Variants in ADAMTS2 observed in about 807,000 individuals in gnomAD.
ADAMTS2 encodes the protein A disintegrin and metalloproteinase with thrombospondin motifs 2.
ADAMTS2 carries 50 observed loss-of-function variants against 123.0 expected under a neutral mutation model. That is an observed-to-expected ratio of 0.41 (90% CI 0.32 to 0.51). The LOEUF is 0.51. Ranked by LOEUF, ADAMTS2 falls within the 20% of genes least tolerant of loss-of-function variation. The probability of loss-of-function intolerance (pLI) is 0.35; values close to 1 mark genes in which losing one functional copy is unlikely to be tolerated. For missense variants in ADAMTS2, 1,494 were observed against 1,705.2 expected (o/e 0.88, Z 2.18); for synonymous variants, 678 against 695.4 (o/e 0.98, Z 0.39).
chr5:179,179,239 G>T (rs1561791784), intron 5 of ADAMTS2, among the ~76,000 whole-genome samples: 1 of 148,178 alleles, frequency 6.7e-6, no homozygotes, highest in African/African-American at 2.5e-5. Flanking sequence ...GAGCGACCAT[G>T]CCTGGCCCCT....
intron 2 of ADAMTS2, among the ~76,000 whole-genome samples, chr5:179,306,601 C>G (rs774350050): frequency 6.6e-6 from 1 of 152,146 alleles, no homozygotes; most frequent in Non-Finnish European, 1.5e-5. Context: ...TCTGTACACA[C>G]CCAGCACCCA....
rs916582971 is a variant in ADAMTS2 at position 179,314,746 on chromosome 5, C to T, written c.534+29021G>A. ...GTAGCCTTCCTGCACCCAGGTGGGG[C>T]TCCTGTCCCCCGCCAGTGCCCCCAA... is the stretch of plus-strand genomic sequence containing the variant. On this transcript the variant is annotated intron_variant, in intron 2 of 21. Coordinates refer to ENST00000251582, the MANE Select transcript of ADAMTS2 (RefSeq NM_014244.5). This position sits in a 1 kb window ranked among gnomAD's most constrained non-coding sequence, Gnocchi z 4.5. Among the ~76,000 whole-genome samples, 14 of 152,162 alleles carry T rather than the reference C, an allele frequency of 9.2e-5. No individual in the cohort carries two copies. The highest frequency in any genetic ancestry group is 1.9e-4 in the Non-Finnish European group (13 of 68,022).
chr5:179,155,040 A>C lies in ADAMTS2; in HGVS notation c.1133-121T>G. 4.6e-6 allele frequency: 4 copies of C among 868,870 alleles called. No homozygotes were observed. The highest frequency in any genetic ancestry group is 7.6e-6 in the Non-Finnish European group (4 of 528,326). The allele number at this position is 868,870 out of a possible 1,614,324, so 53.8% of individuals were successfully genotyped here. A position where few individuals can be genotyped will look rare whatever the true frequency, so the allele number is the denominator to read the frequency against. Reference sequence around the variant, plus strand: ...CCCAATGCCCTCTCTACCACAGGCAACTGCCCCCGGCTGGCACAGCTCAGA... The same window carrying C: ...CCCAATGCCCTCTCTACCACAGGCACCTGCCCCCGGCTGGCACAGCTCAGA... On this transcript the variant is annotated intron_variant, in intron 6 of 21. Transcript: ENST00000251582. This position sits in a 1 kb window ranked among gnomAD's most constrained non-coding sequence, Gnocchi z 5.1.
intron 2 of ADAMTS2, among the ~76,000 whole-genome samples, chr5:179,273,595 T>C (rs1289309182): frequency 6.6e-6 from 1 of 152,150 alleles, no homozygotes; most frequent in African/African-American, 2.4e-5. Context: ...TGAGATTTCA[T>C]GTCTTGAACA....
intron 3 of ADAMTS2, among the ~76,000 whole-genome samples, chr5:179,229,463 G>C (rs567092469): frequency 7.9e-6 from 1 of 126,014 alleles, no homozygotes; most frequent in African/African-American, 3.1e-5. Flanking sequence ...ACGAGACCCT[G>C]CTGCCCACTC....
At chr5:179,297,888 C>G (rs458827) in intron 2 of ADAMTS2, among the ~76,000 whole-genome samples, 10 of 152,274 alleles carry the variant, frequency 6.6e-5, no homozygotes, top group Non-Finnish European at 7.4e-5. Context: ...CAAGAAGACT[C>G]TGCTTCCCCT....
At chr5:179,323,315 G>C (rs1322122825) in intron 2 of ADAMTS2, among the ~76,000 whole-genome samples, 1 of 152,250 alleles carries the variant, frequency 6.6e-6, no homozygotes, top group Non-Finnish European at 1.5e-5. Flanking sequence ...CAGTCCAGGA[G>C]GGCCTGGGCC....
chr5:179,141,029 G>A (rs1763158571), intron 10 of ADAMTS2, among the ~76,000 whole-genome samples: 1 of 151,446 alleles, frequency 6.6e-6, no homozygotes, highest in South Asian at 2.1e-4. Context: ...TGGCCAGGCT[G>A]GTCTCGAACT....
intron 4 of ADAMTS2, among the ~76,000 whole-genome samples, chr5:179,193,215 AG>A: frequency 6.6e-6 from 1 of 152,268 alleles, no homozygotes; most frequent in Admixed American, 6.5e-5. Flanking sequence ...ATGAGAAAAA[AG>A]CTTGTCCAGG....
chr5:179,232,077 AAT>A (rs542533872), intron 3 of ADAMTS2, among the ~76,000 whole-genome samples: 135 of 152,318 alleles, frequency 8.9e-4, no homozygotes, highest in Admixed American at 2.8e-3. Flanking sequence ...TACATTATGA[AAT>A]AGAGTGCATC....
intron 3 of ADAMTS2, among the ~76,000 whole-genome samples, chr5:179,240,392 G>A (rs1197897756): frequency 6.6e-6 from 1 of 152,162 alleles, no homozygotes; most frequent in Non-Finnish European, 1.5e-5. Context: ...TGCAGTTTAA[G>A]AGAAGGAGGC....
In ADAMTS2 at chr5:179,127,876, G is replaced by A. The variant is rs1581140444; in HGVS notation, c.2617+83C>T. The stretch of plus-strand genomic sequence containing the variant: ...CTGTGGCTCCTCGGCCCCTGCTCAC[G>A]CTGGCCCCACCCCAGGGATGCTCCC... On this transcript the variant is annotated intron_variant, in intron 17 of 21. Coordinates refer to ENST00000251582, the MANE Select transcript of ADAMTS2 (RefSeq NM_014244.5). The A allele has an allele frequency of 1.4e-5, 22 of 1,568,980 alleles. No homozygotes were observed. The South Asian group carries it at 1.7e-4, about 12-fold the overall frequency.
In ADAMTS2 at chr5:179,202,279, G is replaced by A. The variant is rs989662968; in HGVS notation, c.891+5234C>T. The stretch of plus-strand genomic sequence containing the variant: ...CCCATTCCTGCCTCAGGGCCTTGGC[G>A]CCGCCTGCCCCCTCCCCCAAACCTG... On this transcript the variant is annotated intron_variant, in intron 4 of 21. Coordinates refer to ENST00000251582, the MANE Select transcript of ADAMTS2 (RefSeq NM_014244.5). This position sits in a 1 kb window ranked among gnomAD's most constrained non-coding sequence, Gnocchi z 4.0. Among the ~76,000 whole-genome samples, 5 of 151,900 alleles carry A rather than the reference G, an allele frequency of 3.3e-5. No individual in the cohort carries two copies. Among genetic ancestry groups the A allele is most frequent in the Admixed American group, 6.6e-5 (1 of 15,266 alleles).
At position 179,228,116 on chromosome 5, in the gene ADAMTS2, T is replaced by C. The variant is rs464850; in HGVS notation, c.689-20401A>G. ...GTGGGGACACAAGGACAGACACCCA[T>C]GAGACACTCAGGCAGGAGTGGTCTG... On this transcript the variant is annotated intron_variant, in intron 3 of 21. Transcript: ENST00000251582. This position sits in a 1 kb window ranked among gnomAD's most constrained non-coding sequence, Gnocchi z 5.2. 0.19 allele frequency among the ~76,000 whole-genome samples: 29,610 copies of C among 152,044 alleles called. 3,113 individuals carry two copies. The highest frequency in any genetic ancestry group is 0.29 in the Admixed American group (4,490 of 15,274).
At chr5:179,249,266 A>T (rs1486958018) in intron 3 of ADAMTS2, among the ~76,000 whole-genome samples, 1 of 152,088 alleles carries the variant, frequency 6.6e-6, no homozygotes, top group Non-Finnish European at 1.5e-5. Context: ...TGCCCAGAAG[A>T]ATATTTATAG....
At chr5:179,270,025 A>AT (rs1394571628) in intron 3 of ADAMTS2, among the ~76,000 whole-genome samples, 2 of 152,064 alleles carry the variant, frequency 1.3e-5, no homozygotes, top group East Asian at 3.9e-4. Flanking sequence ...GCCCCTCCTA[A>AT]TAACATCCTC....
At chr5:179,334,144 GC>G (rs1000118375) in intron 2 of ADAMTS2, among the ~76,000 whole-genome samples, 1 of 152,142 alleles carries the variant, frequency 6.6e-6, no homozygotes, top group African/African-American at 2.4e-5. Context: ...AAGTGGAAAT[GC>G]CCCCACACAT....
intron 2 of ADAMTS2, among the ~76,000 whole-genome samples, chr5:179,322,845 C>CT (rs1757225354): frequency 6.6e-6 from 1 of 152,232 alleles, no homozygotes; most frequent in Admixed American, 6.5e-5. Context: ...CACACACAAG[C>CT]TGGCGCCAGA....
At chr5:179,201,146 C>T (rs1414978532) in intron 4 of ADAMTS2, among the ~76,000 whole-genome samples, 1 of 152,008 alleles carries the variant, frequency 6.6e-6, no homozygotes, top group Non-Finnish European at 1.5e-5. Context: ...CTCAATGAAG[C>T]GGGAATAGAT....
Sources: allele counts gnomAD v4.1 joint callset (sites outside exome capture counted in the v4.1 genomes callset), GRCh38; gene constraint gnomAD v4.1.1; non-coding constraint Gnocchi (gnomAD v3.1); transcripts MANE v1.5; gene names NCBI Gene and HGNC (gene_info 2026-07-23, HGNC 2026-07-21).